NOVA1: variants seen among roughly 807,000 people sequenced by gnomAD.
NOVA1 encodes RNA-binding protein Nova-1.
Under a neutral mutation model 38.0 loss-of-function variants are expected in NOVA1, and 7 were observed. That is an observed-to-expected ratio of 0.18 (90% CI 0.10 to 0.35). NOVA1 has a LOEUF of 0.35. NOVA1 is among the 10% of genes least tolerant of loss of function. The pLI, the probability that NOVA1 is intolerant of heterozygous loss-of-function variation, is 1.00. For missense variants in NOVA1, 460 were observed against 616.0 expected, an observed-to-expected ratio of 0.75 and a Z score of 2.68; for synonymous variants, 270 against 232.5, an observed-to-expected ratio of 1.16 and a Z score of -1.47.
intron 2 of NOVA1, among the ~76,000 whole-genome samples, chr14:26,588,811 C>G (rs889535123): frequency 6.7e-6 from 1 of 150,248 alleles, no homozygotes; most frequent in Non-Finnish European, 1.5e-5. Context: ...GAATGAATCT[C>G]TTGACCTCTA....
At chr14:26,567,068 TTCAA>T (rs1448979303) in intron 2 of NOVA1, among the ~76,000 whole-genome samples, 2 of 152,052 alleles carry the variant, frequency 1.3e-5, no homozygotes, top group Admixed American at 6.6e-5. Context: ...AACACTTGCC[TTCAA>T]TCAAACTCAC....
At chr14:26,541,553 A>AT (rs1890467659) in intron 2 of NOVA1, among the ~76,000 whole-genome samples, 1 of 147,990 alleles carries the variant, frequency 6.8e-6, no homozygotes, top group Admixed American at 6.9e-5. Flanking sequence ...CTATTTTATA[A>AT]TTGATACATA....
Position 26,448,525 on chromosome 14 carries a change from T to C in NOVA1, c.958A>G (p.Asn320Asp). ...NDLVAITSAL[N>D]TLASYGYNLN... ...TTATATCCATAGCTGGCTAATGTAT[T>C]AAGTGCAGAGGTGATGGCCACCAGG... Residue 320 changes from asparagine (N) to aspartate (D), a missense_variant, in exon 5 of 5, where the codon AAT becomes GAT. Transcript: ENST00000539517. This position sits in a 1 kb window ranked among gnomAD's most constrained non-coding sequence, Gnocchi z 5.3. 1.2e-6 allele frequency: 2 copies of C among 1,614,172 alleles called. No homozygotes were observed. The highest frequency in any genetic ancestry group is 8.5e-7 in the Non-Finnish European group (1 of 1,180,036).
intron 2 of NOVA1, among the ~76,000 whole-genome samples, chr14:26,517,196 C>T (rs1712818478): frequency 6.6e-6 from 1 of 152,212 alleles, no homozygotes; most frequent in Middle Eastern, 3.4e-3. Context: ...TGAGCCACCA[C>T]ACCCAGCCAA....
intron 4 of NOVA1, among the ~76,000 whole-genome samples, chr14:26,458,432 T>C (rs1228816513): frequency 6.6e-6 from 1 of 152,158 alleles, no homozygotes. Flanking sequence ...TCAACCTATA[T>C]GCCCATCAAT....
chr14:26,448,797 T>C lies in NOVA1; in HGVS notation c.686A>G (p.Gln229Arg), dbSNP rs1436117506. 1 of 1,614,182 alleles carries C rather than the reference T, an allele frequency of 6.2e-7. No individual in the cohort carries two copies. The highest frequency in any genetic ancestry group is 1.1e-5 in the South Asian group (1 of 91,080). ...RVVTVSGEPEQNRKAVELIIQ... is the reference protein window; with the variant it reads ...RVVTVSGEPERNRKAVELIIQ... ...GATAAGTTCAACAGCTTTTCGGTTT[T>C]GTTCAGGTTCTCCACTCACAGTGAC... is the stretch of plus-strand genomic sequence containing the variant. The change falls in exon 5 of 5, where the codon CAA becomes CGA. Residue 229 changes from glutamine (Q) to arginine (R), a missense_variant. Physicochemically the swap from Gln to Arg is conservative, Grantham distance 43. Coordinates refer to ENST00000539517, the MANE Select transcript of NOVA1 (RefSeq NM_002515.3). This position sits in a 1 kb window ranked among gnomAD's most constrained non-coding sequence, Gnocchi z 5.3.
At chr14:26,515,656 C>A (rs983990251) in intron 2 of NOVA1, among the ~76,000 whole-genome samples, 2 of 151,796 alleles carry the variant, frequency 1.3e-5, no homozygotes, top group Non-Finnish European at 2.9e-5. Flanking sequence ...GTATCCTATG[C>A]CTACTAAAAA....
intron 2 of NOVA1, among the ~76,000 whole-genome samples, chr14:26,572,764 GTAT>G: frequency 6.7e-6 from 1 of 149,122 alleles, no homozygotes; most frequent in African/African-American, 2.5e-5. Context: ...GTGTGTGTGT[GTAT>G]GTGTGTCTGT....
At chr14:26,508,031 C>G (rs1403899778) in intron 2 of NOVA1, among the ~76,000 whole-genome samples, 1 of 151,968 alleles carries the variant, frequency 6.6e-6, no homozygotes, top group Non-Finnish European at 1.5e-5. Flanking sequence ...TAAAGTTTTT[C>G]TATTACTTAC....
chr14:26,527,630 C>A (rs1285725701), intron 2 of NOVA1, among the ~76,000 whole-genome samples: 1 of 152,114 alleles, frequency 6.6e-6, no homozygotes, highest in African/African-American at 2.4e-5. Context: ...GCTAGGGGTA[C>A]CAGACATGTC....
chr14:26,532,568 T>C (rs1176510098), intron 2 of NOVA1, among the ~76,000 whole-genome samples: 1 of 152,170 alleles, frequency 6.6e-6, no homozygotes, highest in Non-Finnish European at 1.5e-5. Context: ...GGAAGGATGG[T>C]CTGGCAAGGG....
intron 4 of NOVA1, chr14:26,470,589 G>A (rs532835893): frequency 9.4e-6 from 8 of 851,602 alleles, no homozygotes; most frequent in Middle Eastern, 3.5e-4. Context: ...TTTCAAAATA[G>A]CAAAATTTAG....
chr14:26,544,631 A>T (rs1030438619), intron 2 of NOVA1, among the ~76,000 whole-genome samples: 1 of 152,014 alleles, frequency 6.6e-6, no homozygotes, highest in Non-Finnish European at 1.5e-5. Flanking sequence ...CATTTTCTTC[A>T]TTACTTGAAA....
intron 2 of NOVA1, among the ~76,000 whole-genome samples, chr14:26,518,150 T>G (rs576847361): frequency 2.0e-5 from 3 of 152,098 alleles, no homozygotes; most frequent in African/African-American, 7.2e-5. Context: ...AAGGATATTA[T>G]ATTATCCTTA....
intron 4 of NOVA1, among the ~76,000 whole-genome samples, chr14:26,452,066 A>T (rs1223851079): frequency 1.3e-5 from 2 of 152,214 alleles, no homozygotes; most frequent in Non-Finnish European, 2.9e-5. Context: ...AAATTAATGG[A>T]AACATAAATA....
At chr14:26,476,777 C>T (rs939144744) in intron 3 of NOVA1, among the ~76,000 whole-genome samples, 16 of 144,286 alleles carry the variant, frequency 1.1e-4, no homozygotes, top group Non-Finnish European at 2.1e-4. Flanking sequence ...AGTACAATGG[C>T]GCGATCTTGG....
chr14:26,557,713 A>G (rs1296646506), intron 2 of NOVA1, among the ~76,000 whole-genome samples: 1 of 152,074 alleles, frequency 6.6e-6, no homozygotes. Flanking sequence ...TGTTTCTTAC[A>G]AAACTAAGCA....
At position 26,447,987 on chromosome 14, in the gene NOVA1, C is replaced by T. The variant is rs1594307493; in HGVS notation, c.1496G>A (p.Arg499Gln). The T allele has an allele frequency of 2.5e-6, 4 of 1,614,070 alleles. No individual in the cohort carries two copies. The highest frequency in any genetic ancestry group is 1.1e-5 in the South Asian group (1 of 91,072). ...ACCCACTTTCTGAGGATTGGCAGCC[C>T]GAACTCCTTGCTCATATGTGATCCT... ...TQRITYEQGVRAANPQKVG is the reference protein window; with the variant it reads ...TQRITYEQGVQAANPQKVG Residue 499 changes from arginine to glutamine, a missense_variant, in exon 5 of 5, where the codon CGG becomes CAG. Physicochemically the swap from Arg to Gln is conservative, Grantham distance 43 (BLOSUM62 1). Transcript: ENST00000539517.
intron 2 of NOVA1, among the ~76,000 whole-genome samples, chr14:26,548,597 G>A (rs1351305073): frequency 6.6e-6 from 1 of 152,032 alleles, no homozygotes; most frequent in Non-Finnish European, 1.5e-5. Context: ...ATCATGTTGT[G>A]TAACAACAGA....
Sources: allele counts gnomAD v4.1 joint callset (sites outside exome capture counted in the v4.1 genomes callset), GRCh38; gene constraint gnomAD v4.1.1; non-coding constraint Gnocchi (gnomAD v3.1); transcripts MANE v1.5; gene names NCBI Gene and HGNC (gene_info 2026-07-23, HGNC 2026-07-21).